VPS8: variants seen among roughly 807,000 people sequenced by gnomAD.
The protein encoded by VPS8 is VPS8 subunit of CORVET complex, also known as vacuolar protein sorting-associated protein 8 homolog.
Under a neutral mutation model 216.4 loss-of-function variants are expected in VPS8, and 129 were observed. The ratio of observed to expected loss-of-function variants is 0.60; its 90% CI spans 0.52 to 0.69. The LOEUF is 0.69. VPS8 is among the 30% of genes least tolerant of loss of function. The pLI is 0.00. For missense variants in VPS8, 1,531 were observed against 1,683.5 expected, an observed-to-expected ratio of 0.91 and a Z score of 1.59; for synonymous variants, 571 against 565.4, an observed-to-expected ratio of 1.01 and a Z score of -0.14.
chr3:184,894,611 A>G, intron 22 of VPS8, 92 bp from the exon 23 acceptor site: 1 of 976,394 alleles, frequency 1.0e-6, no homozygotes, highest in South Asian at 1.7e-5. Flanking sequence ...AGTAAGTTGA[A>G]GTAGGGAAAA....
chr3:184,931,405 ATTC>A (rs779158901), intron 34 of VPS8, among the ~76,000 whole-genome samples: 3 of 152,154 alleles, frequency 2.0e-5, no homozygotes, highest in Admixed American at 1.3e-4. Context: ...AGTTGCTCTC[ATTC>A]TTCTTATAGC....
At chr3:184,900,877 C>G (rs368975933) in intron 24 of VPS8, 44 bp from the exon 25 acceptor site, 9 of 1,502,398 alleles carry the variant, frequency 6.0e-6, no homozygotes, top group Non-Finnish European at 7.3e-6. Flanking sequence ...TAAATAATAT[C>G]ATTTGAGATG....
At chr3:184,974,675 A>G (rs1297255070) in intron 40 of VPS8, among the ~76,000 whole-genome samples, 1 of 152,060 alleles carries the variant, frequency 6.6e-6, no homozygotes, top group Non-Finnish European at 1.5e-5. Context: ...TTCTTCCAGT[A>G]GTTGTATGCA....
intron 46 of VPS8, among the ~76,000 whole-genome samples, chr3:185,040,659 T>C (rs1023435261): frequency 1.3e-5 from 2 of 152,194 alleles, no homozygotes; most frequent in South Asian, 4.1e-4. Context: ...ATTCTGTTTC[T>C]GTAAATGGAA....
chr3:184,916,570 GTTA>G (rs1737636623), intron 28 of VPS8, among the ~76,000 whole-genome samples: 2 of 152,054 alleles, frequency 1.3e-5, no homozygotes, highest in South Asian at 2.1e-4. Context: ...TCATGAGAAG[GTTA>G]TTATCATTTG....
intron 20 of VPS8, among the ~76,000 whole-genome samples, chr3:184,870,282 G>A (rs1728096942): frequency 6.6e-6 from 1 of 152,020 alleles, no homozygotes; most frequent in Admixed American, 6.6e-5. Context: ...TTGACTATAG[G>A]ATTCCCTCCC....
chr3:184,957,614 T>G, intron 37 of VPS8, 93 bp downstream of exon 37: 3 of 1,397,054 alleles, frequency 2.1e-6, no homozygotes, highest in Non-Finnish European at 2.9e-6. Context: ...AAATATATAA[T>G]TTCTTTTTTA....
intron 3 of VPS8, among the ~76,000 whole-genome samples, chr3:184,828,932 C>T (rs564701266): frequency 6.6e-6 from 1 of 152,306 alleles, no homozygotes; most frequent in South Asian, 2.1e-4. Flanking sequence ...CTAACTTCTA[C>T]CAGCATTGAT....
chr3:184,935,572 C>A (rs1741461548), intron 34 of VPS8, among the ~76,000 whole-genome samples: 1 of 152,062 alleles, frequency 6.6e-6, no homozygotes, highest in East Asian at 1.9e-4. Context: ...AGTGTCCCCA[C>A]AGAGAAGGTA....
At chr3:184,968,210 G>A (rs542664141) in intron 39 of VPS8, among the ~76,000 whole-genome samples, 1 of 152,162 alleles carries the variant, frequency 6.6e-6, no homozygotes, top group South Asian at 2.1e-4. Flanking sequence ...GCATGTGTCA[G>A]AATTTTCTTC....
intron 5 of VPS8, among the ~76,000 whole-genome samples, chr3:184,835,449 T>G (rs951725045): frequency 6.6e-6 from 1 of 152,192 alleles, no homozygotes; most frequent in Non-Finnish European, 1.5e-5. Flanking sequence ...AGCACTGGGT[T>G]AATGTAAACG....
chr3:184,989,767 A>C (rs1751619058), intron 42 of VPS8, among the ~76,000 whole-genome samples: 1 of 152,034 alleles, frequency 6.6e-6, no homozygotes, highest in African/African-American at 2.4e-5. Context: ...GGCCTCAGAG[A>C]ATGAGTTAAG....
At chr3:185,033,485 T>A (rs1758458467) in intron 46 of VPS8, among the ~76,000 whole-genome samples, 1 of 152,232 alleles carries the variant, frequency 6.6e-6, no homozygotes, top group Non-Finnish European at 1.5e-5. Context: ...TGAGTGATAT[T>A]CTCTTGTCTG....
intron 45 of VPS8, among the ~76,000 whole-genome samples, chr3:185,022,833 C>T (rs1212086689): frequency 6.6e-6 from 1 of 152,096 alleles, no homozygotes; most frequent in African/African-American, 2.4e-5. Flanking sequence ...TTCTTTCCTA[C>T]TTAGTTTGGT....
chr3:184,906,981 C>CCAGG (rs1735615118), intron 25 of VPS8, among the ~76,000 whole-genome samples: 1 of 152,116 alleles, frequency 6.6e-6, no homozygotes, highest in Non-Finnish European at 1.5e-5. Flanking sequence ...ACCTGTTAGG[C>CCAGG]CAGGTCTCAG....
At chr3:185,001,561 A>G (rs953910165) in intron 45 of VPS8, among the ~76,000 whole-genome samples, 1 of 151,956 alleles carries the variant, frequency 6.6e-6, no homozygotes, top group Non-Finnish European at 1.5e-5. Context: ...GTCTACACCA[A>G]CCCATAAGCT....
chr3:184,838,979 C>A, intron 6 of VPS8: 1 of 420,242 alleles, frequency 2.4e-6, no homozygotes, highest in Non-Finnish European at 4.2e-6. Context: ...GTAATATTAG[C>A]CTTCTCCAGG....
intron 3 of VPS8, among the ~76,000 whole-genome samples, chr3:184,828,357 T>C (rs1719261090): frequency 6.6e-6 from 1 of 152,198 alleles, no homozygotes; most frequent in Admixed American, 6.5e-5. Context: ...CAGGCTGGTC[T>C]CAAACTCCTG....
At chr3:185,003,988 TC>T (rs1166027526) in intron 45 of VPS8, among the ~76,000 whole-genome samples, 2 of 150,580 alleles carry the variant, frequency 1.3e-5, no homozygotes, top group African/African-American at 2.5e-5. Flanking sequence ...GCTCCTCACT[TC>T]CTAGATGGGA....
Sources: allele counts gnomAD v4.1 joint callset (sites outside exome capture counted in the v4.1 genomes callset), GRCh38; gene constraint gnomAD v4.1.1; transcripts MANE v1.5; gene names NCBI Gene and HGNC (gene_info 2026-07-23, HGNC 2026-07-21).